PTK2B: variants seen among roughly 807,000 people sequenced by gnomAD.
PTK2B encodes the protein protein tyrosine kinase 2 beta.
PTK2B carries 71 observed loss-of-function variants against 142.9 expected under a neutral mutation model. The ratio of observed to expected loss-of-function variants is 0.50; its 90% CI spans 0.41 to 0.61. PTK2B has a LOEUF of 0.61. Ranked by LOEUF, PTK2B falls within the 20% of genes least tolerant of loss-of-function variation. PTK2B has a pLI of 0.00. For synonymous variants in PTK2B, 519 were observed against 503.4 expected, an observed-to-expected ratio of 1.03 and a Z score of -0.42; for missense variants, 1,105 against 1,320.4, an observed-to-expected ratio of 0.84 and a Z score of 2.53.
At chr8:27,444,320 G>C (rs371561997) in intron 23 of PTK2B, 49 bp downstream of exon 23, 12 of 1,564,916 alleles carry the variant, frequency 7.7e-6, no homozygotes, top group Non-Finnish European at 1.1e-5. Context: ...CTCTCATCCA[G>C]GTCCTGAAAC....
chr8:27,440,898 G>T (rs542293029), intron 21 of PTK2B, among the ~76,000 whole-genome samples: 66 of 152,252 alleles, frequency 4.3e-4, no homozygotes, highest in African/African-American at 1.5e-3. Context: ...GGGGGATAAG[G>T]GACCTGAGGG....
At chr8:27,457,068 A>T (rs1386638585) in intron 30 of PTK2B, among the ~76,000 whole-genome samples, 1 of 152,250 alleles carries the variant, frequency 6.6e-6, no homozygotes, top group Non-Finnish European at 1.5e-5. Context: ...CCCAGCTAAG[A>T]TCATTGATGA....
At chr8:27,366,097 C>T (rs111552370) in intron 1 of PTK2B, among the ~76,000 whole-genome samples, 6 of 152,172 alleles carry the variant, frequency 3.9e-5, no homozygotes, top group African/African-American at 1.4e-4. Context: ...GGAGAAGGAC[C>T]CACCTGTGCT....
intron 10 of PTK2B, 102 bp from the exon 11 acceptor site, chr8:27,433,333 G>A: frequency 9.9e-7 from 1 of 1,006,286 alleles, no homozygotes; most frequent in Non-Finnish European, 1.5e-6. Flanking sequence ...TGGCATCCAG[G>A]CAAGGGTTGT....
At chr8:27,454,924 C>T (rs551850230) in intron 30 of PTK2B, among the ~76,000 whole-genome samples, 11 of 151,018 alleles carry the variant, frequency 7.3e-5, no homozygotes, top group Admixed American at 2.7e-4. Flanking sequence ...GTTGCCTTGC[C>T]GTCTGTGTTA....
chr8:27,310,756 G>A (rs775651221), upstream of PTK2B: 2 of 1,531,780 alleles, frequency 1.3e-6, no homozygotes, highest in East Asian at 4.6e-5. Flanking sequence ...GGGATTCCGG[G>A]TTCCAGACCC....
chr8:27,346,765 C>T (rs1255095726), intron 1 of PTK2B, among the ~76,000 whole-genome samples: 3 of 152,248 alleles, frequency 2.0e-5, no homozygotes, highest in Admixed American at 6.5e-5. Context: ...CCTTGAGCAC[C>T]TGTTGGGAAT....
chr8:27,351,040 T>TATAC (rs1563211405), intron 1 of PTK2B, among the ~76,000 whole-genome samples: 5 of 97,956 alleles, frequency 5.1e-5, no homozygotes, highest in South Asian at 8.0e-4. Flanking sequence ...TATATATATA[T>TATAC]ACGTGCTTGG....
chr8:27,330,941 C>A (rs1372808161), intron 1 of PTK2B, among the ~76,000 whole-genome samples: 2 of 152,158 alleles, frequency 1.3e-5, no homozygotes, highest in Non-Finnish European at 1.5e-5. Flanking sequence ...GTGACTAAAA[C>A]CAAGATCAGC....
At chr8:27,434,427 C>A in intron 12 of PTK2B, 86 bp from the exon 13 acceptor site, 2 of 1,394,010 alleles carry the variant, frequency 1.4e-6, no homozygotes, top group Non-Finnish European at 2.0e-6. Context: ...CCACAGGGGG[C>A]AGGAGGAGAG....
chr8:27,334,965 T>C (rs1302672432), intron 1 of PTK2B, among the ~76,000 whole-genome samples: 1 of 152,174 alleles, frequency 6.6e-6, no homozygotes, highest in Non-Finnish European at 1.5e-5. Context: ...TGCCTTTCCC[T>C]TTTCTCTCCT....
intron 1 of PTK2B, among the ~76,000 whole-genome samples, chr8:27,356,817 C>A (rs189291074): frequency 2.6e-5 from 4 of 152,312 alleles, no homozygotes; most frequent in Non-Finnish European, 5.9e-5. Flanking sequence ...CTCAAAAAGT[C>A]ACATACTGTA....
At chr8:27,364,507 T>C (rs1436958819) in intron 1 of PTK2B, among the ~76,000 whole-genome samples, 1 of 152,188 alleles carries the variant, frequency 6.6e-6, no homozygotes, top group East Asian at 1.9e-4. Context: ...AAACTTGAGG[T>C]GGGCTTTACC....
At chr8:27,434,485 C>G in intron 12 of PTK2B, 28 bp from the exon 13 acceptor site, 1 of 1,602,870 alleles carries the variant, frequency 6.2e-7, no homozygotes, top group Non-Finnish European at 8.5e-7. Flanking sequence ...CTGAGCTCAC[C>G]TGGCTTCTGC....
chr8:27,437,961 T>A (rs1810897219), intron 18 of PTK2B, 81 bp downstream of exon 18: 35 of 1,234,288 alleles, frequency 2.8e-5, no homozygotes, highest in Non-Finnish European at 3.8e-5. Flanking sequence ...AAGCAGGGCT[T>A]GTGGGTGACA....
In PTK2B at chr8:27,397,754, A is replaced by T. The variant is rs778816972; in HGVS notation, c.170A>T (p.Lys57Ile). The change falls in exon 2 of 31, where the codon AAA becomes ATA. Residue 57 changes from lysine (K) to isoleucine (I), a missense_variant. Lys to Ile is a moderately radical substitution (Grantham distance 102). Coordinates refer to ENST00000346049, the MANE Select transcript of PTK2B (RefSeq NM_173176.3). ...SNSFNPGKNF[K>I]LVKCTVQTEI... is the part of the protein sequence containing the mutation. Reference sequence around the variant, plus strand: ...AGCTTCAATCCTGGGAAAAACTTCAAACTGGTCAAATGCACTGTCCAGACG... The same window carrying T: ...AGCTTCAATCCTGGGAAAAACTTCATACTGGTCAAATGCACTGTCCAGACG... 6.2e-7 allele frequency: 1 copy of T among 1,614,250 alleles called. No homozygotes were observed. Among genetic ancestry groups the T allele is most frequent in the Non-Finnish European group, 8.5e-7 (1 of 1,180,032 alleles).
chr8:27,452,544 G>A (rs550753566), intron 27 of PTK2B: 2 of 141,586 alleles, frequency 1.4e-5, no homozygotes, highest in East Asian at 4.0e-4. Flanking sequence ...TCCAGCCTCG[G>A]TGCAAGCCCT....
intron 24 of PTK2B, among the ~76,000 whole-genome samples, chr8:27,450,167 C>G (rs996980669): frequency 4.6e-5 from 7 of 152,116 alleles, no homozygotes; most frequent in Admixed American, 1.3e-4. Flanking sequence ...CATGCTGTTG[C>G]TTGTTCTCTC....
chr8:27,379,187 A>G (rs766588758), intron 1 of PTK2B, among the ~76,000 whole-genome samples: 12 of 152,208 alleles, frequency 7.9e-5, no homozygotes, highest in Non-Finnish European at 1.6e-4. Flanking sequence ...TAGATGTATC[A>G]TGGAAATCAA....
Sources: gnomAD v4.1 joint callset for allele counts (sites outside exome capture counted in the v4.1 genomes callset) on GRCh38, gnomAD v4.1.1 for gene constraint, MANE v1.5 for transcripts, NCBI Gene and HGNC (gene_info 2026-07-23, HGNC 2026-07-21) for gene names.